C9orf153: variants seen among roughly 807,000 people sequenced by gnomAD.
The protein encoded by C9orf153 is uncharacterized protein C9orf153.
Under a neutral mutation model 9.0 loss-of-function variants are expected in C9orf153, and 10 were observed. The ratio of observed to expected loss-of-function variants is 1.11; its 90% CI spans 0.69 to 1.89. C9orf153 has a LOEUF of 1.89. Among genes scored for constraint, C9orf153 ranks in the 40% most tolerant of loss-of-function variants. The pLI is 0.00. For missense variants in C9orf153, 108 were observed against 111.0 expected (o/e 0.97, Z 0.12); for synonymous variants, 35 against 37.3 (o/e 0.94, Z 0.23).
chr9:86,221,787 A>G, intron 3 of C9orf153, 54 bp from the exon 4 acceptor site: 1 of 1,266,122 alleles, frequency 7.9e-7, no homozygotes, highest in Non-Finnish European at 1.1e-6. Flanking sequence ...TCAGCCTTTC[A>G]TTACTCAGAG....
At chr9:86,254,553 T>G (rs1825068799) in intron 1 of C9orf153, among the ~76,000 whole-genome samples, 1 of 152,208 alleles carries the variant, frequency 6.6e-6, no homozygotes, top group Non-Finnish European at 1.5e-5. Context: ...GTCAGATTGC[T>G]ACTGCAATCT....
At chr9:86,234,324 C>T (rs555243168) in intron 1 of C9orf153, among the ~76,000 whole-genome samples, 2 of 152,106 alleles carry the variant, frequency 1.3e-5, no homozygotes, top group Non-Finnish European at 2.9e-5. Context: ...GAGAGAACCA[C>T]AATGTTGAAT....
chr9:86,223,807 C>T (rs997594306), intron 3 of C9orf153, among the ~76,000 whole-genome samples: 6 of 152,112 alleles, frequency 3.9e-5, no homozygotes, highest in Admixed American at 1.3e-4. Context: ...GTCTTTTGGA[C>T]ATGAAAACAA....
chr9:86,227,171 G>C, intron 3 of C9orf153: 1 of 534,414 alleles, frequency 1.9e-6, no homozygotes. Flanking sequence ...TTTAGAGACA[G>C]GGTCTTGCTC....
At chr9:86,252,630 T>C (rs921835855) in intron 1 of C9orf153, among the ~76,000 whole-genome samples, 8 of 152,222 alleles carry the variant, frequency 5.3e-5, no homozygotes, top group Admixed American at 4.6e-4. Flanking sequence ...TTAAAATCAT[T>C]CAGGAAGCAT....
At chr9:86,239,134 G>A (rs1270559323) in intron 1 of C9orf153, among the ~76,000 whole-genome samples, 1 of 151,970 alleles carries the variant, frequency 6.6e-6, no homozygotes, top group African/African-American at 2.4e-5. Flanking sequence ...GGCGGCGCAT[G>A]CCTGTAGTCC....
At position 86,229,486 on chromosome 9, in the gene C9orf153, T is replaced by C. The variant is rs144619271; in HGVS notation, c.66+52A>G. On this transcript the variant is annotated intron_variant, in intron 2 of 3. Coordinates refer to ENST00000339137, the MANE Select transcript of C9orf153 (RefSeq NM_001276366.4). ...TCAATAGTTTGAATGTTTATGATTC[T>C]TGAATGTAAAGCTCCCTGTGTACAC... is the stretch of plus-strand genomic sequence containing the variant. 1,113 of 1,265,276 alleles carry C rather than the reference T, an allele frequency of 8.8e-4. 14 individuals carry two copies. In the East Asian group the frequency reaches 0.018, roughly 21 times the overall value. The allele number at this position is 1,265,276 out of a possible 1,614,324, so 78.4% of individuals were successfully genotyped here.
At chr9:86,243,309 C>T (rs1394414690) in intron 1 of C9orf153, among the ~76,000 whole-genome samples, 3 of 152,120 alleles carry the variant, frequency 2.0e-5, no homozygotes, top group East Asian at 3.9e-4. Context: ...TTCCTGAATT[C>T]AACATGATGA....
intron 1 of C9orf153, among the ~76,000 whole-genome samples, chr9:86,247,216 C>T (rs1824886971): frequency 6.6e-6 from 1 of 152,206 alleles, no homozygotes; most frequent in Non-Finnish European, 1.5e-5. Flanking sequence ...TATCAAACCT[C>T]AGGAGTGGAT....
chr9:86,243,285 G>A (rs946485740), intron 1 of C9orf153, among the ~76,000 whole-genome samples: 3 of 152,086 alleles, frequency 2.0e-5, no homozygotes, highest in African/African-American at 7.2e-5. Flanking sequence ...GGGCATAGGG[G>A]ATTTTCTCTC....
At chr9:86,246,960 G>C (rs1450916131) in intron 1 of C9orf153, among the ~76,000 whole-genome samples, 1 of 152,192 alleles carries the variant, frequency 6.6e-6, no homozygotes, top group African/African-American at 2.4e-5. Context: ...AGGCTCCCAG[G>C]GGACTGTGAT....
chr9:86,246,387 A>T (rs1824864449), intron 1 of C9orf153, among the ~76,000 whole-genome samples: 1 of 152,118 alleles, frequency 6.6e-6, no homozygotes, highest in Non-Finnish European at 1.5e-5. Context: ...CCATTGTACT[A>T]CAGCTTGGAC....
chr9:86,233,739 A>T (rs1824519564), intron 1 of C9orf153, among the ~76,000 whole-genome samples: 1 of 152,152 alleles, frequency 6.6e-6, no homozygotes, highest in Non-Finnish European at 1.5e-5. Context: ...TCTTGACCAG[A>T]CTTACAAAGA....
At chr9:86,229,665 A>G in intron 1 of C9orf153, 36 bp from the exon 2 acceptor site, 1 of 1,265,970 alleles carries the variant, frequency 7.9e-7, no homozygotes, top group Non-Finnish European at 1.1e-6. Context: ...CAAAAATCAA[A>G]GATTAAAAAT....
At chr9:86,227,600 G>T in intron 3 of C9orf153, 9 of 985,356 alleles carry the variant, frequency 9.1e-6, no homozygotes, top group Non-Finnish European at 1.1e-5. Context: ...CTTTTCTGGG[G>T]TGGCACTGGA....
At chr9:86,257,565 C>T (rs1036275366) in intron 1 of C9orf153, among the ~76,000 whole-genome samples, 1 of 152,194 alleles carries the variant, frequency 6.6e-6, no homozygotes, top group African/African-American at 2.4e-5. Context: ...GGCTGATTTC[C>T]TTGATCCCTT....
intron 1 of C9orf153, among the ~76,000 whole-genome samples, chr9:86,244,701 T>C (rs1429049402): frequency 6.6e-6 from 1 of 152,176 alleles, no homozygotes; most frequent in Non-Finnish European, 1.5e-5. Flanking sequence ...ACGAAGAATA[T>C]CGGGAACACC....
chr9:86,225,111 A>C (rs1158873936), intron 3 of C9orf153, among the ~76,000 whole-genome samples: 1 of 152,156 alleles, frequency 6.6e-6, no homozygotes, highest in Non-Finnish European at 1.5e-5. Flanking sequence ...ATAGAAGAGC[A>C]AAACGGCAAC....
chr9:86,228,981 G>A, intron 2 of C9orf153: 6 of 271,046 alleles, frequency 2.2e-5, no homozygotes, highest in Non-Finnish European at 3.8e-5. Flanking sequence ...CCAACTTCAA[G>A]TAAGAGGCGA....
Sources: gnomAD v4.1 joint callset for allele counts (sites outside exome capture counted in the v4.1 genomes callset) on GRCh38, gnomAD v4.1.1 for gene constraint, MANE v1.5 for transcripts, NCBI Gene and HGNC (gene_info 2026-07-23, HGNC 2026-07-21) for gene names.